TOX2: variants seen among roughly 807,000 people sequenced by gnomAD.
TOX2 encodes TOX high mobility group box family member 2, also known as granulosa cell HMG box 1.
Under a neutral mutation model 47.4 loss-of-function variants are expected in TOX2, and 15 were observed. That is an observed-to-expected ratio of 0.32 (90% CI 0.21 to 0.49). The LOEUF (loss-of-function observed/expected upper bound fraction) is 0.49. TOX2 is among the 20% of genes least tolerant of loss of function. The pLI is 0.99. For missense variants in TOX2, 622 were observed against 673.1 expected (o/e 0.92, Z 0.84); for synonymous variants, 290 against 296.6 (o/e 0.98, Z 0.23).
intron 1 of TOX2, among the ~76,000 whole-genome samples, chr20:43,967,385 A>C (rs2069875324): frequency 6.6e-6 from 1 of 152,154 alleles, no homozygotes; most frequent in African/African-American, 2.4e-5. Context: ...TTCCAGAGAA[A>C]GTGTGAATCG....
At chr20:43,947,927 A>ATGCTCCC (rs2069499510) in intron 1 of TOX2, among the ~76,000 whole-genome samples, 1 of 152,178 alleles carries the variant, frequency 6.6e-6, no homozygotes, top group East Asian at 1.9e-4. Context: ...ACCCTCACAC[A>ATGCTCCC]TGCTCCCTGC....
At chr20:44,064,377 C>T (rs1277312792) in intron 5 of TOX2, among the ~76,000 whole-genome samples, 1 of 152,128 alleles carries the variant, frequency 6.6e-6, no homozygotes, top group East Asian at 1.9e-4. Flanking sequence ...ATTAGCAAAC[C>T]GAATCCAAAC....
chr20:43,980,974 A>G (rs2070160057), intron 2 of TOX2, among the ~76,000 whole-genome samples: 2 of 152,242 alleles, frequency 1.3e-5, no homozygotes, highest in African/African-American at 2.4e-5. Flanking sequence ...AATCACCCTT[A>G]TACATGAAGA....
Position 43,970,358 on chromosome 20 carries a change from C to T in TOX2, c.100-3009C>T, listed in dbSNP as rs1049756560. Among the ~76,000 whole-genome samples, 26 of 152,294 alleles carry T rather than the reference C, an allele frequency of 1.7e-4. 1 individual carries two copies. The highest frequency in any genetic ancestry group is 3.4e-3 in the Middle Eastern group (1 of 294). On this transcript the variant is annotated intron_variant, in intron 1 of 8. Transcript: ENST00000341197. ...GTACCAGGAATATTCATTCTGTCAC[C>T]AAATATTTATTGATTGTCTACTGTG...
rs146602026 is a variant in TOX2, at chr20:43,953,890, G to A, written c.100-19477G>A. Among the ~76,000 whole-genome samples the A allele has an allele frequency of 3.7e-4, 56 of 152,270 alleles. No homozygotes were observed. The East Asian group carries it at 6.8e-3, about 18-fold the overall frequency. On this transcript the variant is annotated intron_variant, in intron 1 of 8. Coordinates refer to ENST00000341197, the MANE Select transcript of TOX2 (RefSeq NM_001098797.2). ...GTCTTTGTCCTCCCATCTTCTGGAA[G>A]TCAACTCTATGCCAGACACTCCTGA...
chr20:44,038,072 C>G (rs1052989233), intron 3 of TOX2, among the ~76,000 whole-genome samples: 3 of 152,122 alleles, frequency 2.0e-5, no homozygotes, highest in Non-Finnish European at 4.4e-5. Context: ...GTCACTCTTG[C>G]TATGCTTTAA....
intron 1 of TOX2, among the ~76,000 whole-genome samples, chr20:43,951,849 A>G (rs1339289676): frequency 6.6e-6 from 1 of 150,520 alleles, no homozygotes; most frequent in East Asian, 1.9e-4. Context: ...TTAGGACTAC[A>G]GGTACATACC....
intron 2 of TOX2, among the ~76,000 whole-genome samples, chr20:43,991,827 A>G (rs2070374218): frequency 6.6e-6 from 1 of 151,958 alleles, no homozygotes; most frequent in Non-Finnish European, 1.5e-5. Context: ...TATTTTTAGT[A>G]CAGATGGGGT....
rs541326663 is a variant in TOX2 at position 43,954,739 on chromosome 20, C to G, written c.100-18628C>G. ...CCACTCCCTGTGCTGTCTACATTCTCTGTCACATTAAATGCTCTGCCTGCC... is the reference window on the plus strand; with the variant it reads ...CCACTCCCTGTGCTGTCTACATTCTGTGTCACATTAAATGCTCTGCCTGCC... On this transcript the variant is annotated intron_variant, in intron 1 of 8. Transcript: ENST00000341197. Among the ~76,000 whole-genome samples the G allele has an allele frequency of 1.3e-3, 198 of 152,318 alleles. 1 individual carries two copies. Among genetic ancestry groups the G allele is most frequent in the African/African-American group, 4.6e-3 (193 of 41,558 alleles).
chr20:44,051,232 G>A, intron 3 of TOX2, 74 bp from the exon 4 acceptor site: 2 of 1,518,652 alleles, frequency 1.3e-6, no homozygotes, highest in Non-Finnish European at 1.8e-6. Flanking sequence ...CCTCCTCTAA[G>A]TCCGCTAGCA....
chr20:43,981,375 G>A (rs2070166204), intron 2 of TOX2, among the ~76,000 whole-genome samples: 1 of 152,176 alleles, frequency 6.6e-6, no homozygotes, highest in Non-Finnish European at 1.5e-5. Flanking sequence ...TAAAAAAGAT[G>A]TAAAACAGTA....
rs768057191 is a variant in TOX2 at position 44,054,508 on chromosome 20, G to A, written c.861G>A (p.Leu287=). 6.2e-7 allele frequency: 1 copy of A among 1,614,006 alleles called. No individual in the cohort carries two copies. The highest frequency in any genetic ancestry group is 8.5e-7 in the Non-Finnish European group (1 of 1,179,984). ...TCGTGGCCTCCATGTGGGACAGCCT[G>A]GGAGAGGAACAGAAGCAGGTGAGCC... The part of the protein sequence containing the change: ...SKIVASMWDS[L]GEEQKQAYKR... The change falls in exon 5 of 9, where the codon CTG becomes CTA. Residue 287 remains leucine (L), a synonymous_variant. Coordinates refer to ENST00000341197, the MANE Select transcript of TOX2 (RefSeq NM_001098797.2).
At position 44,049,864 on chromosome 20, in the gene TOX2, TACC is replaced by T. The variant is rs545289040; in HGVS notation, c.412-1439_412-1437del. ...TGTATAGTACTTCATGATAGGTATG[TACC>T]ACATTTTCTTTCAGTCTATCTTTGA... On this transcript the variant is annotated intron_variant, in intron 3 of 8. Coordinates refer to ENST00000341197, the MANE Select transcript of TOX2 (RefSeq NM_001098797.2). Among the ~76,000 whole-genome samples the T allele has an allele frequency of 5.8e-4, 88 of 152,370 alleles. 1 individual carries two copies. The South Asian group carries it at 6.4e-3, about 11-fold the overall frequency.
intron 3 of TOX2, among the ~76,000 whole-genome samples, chr20:44,015,383 C>G (rs2145631847): frequency 6.6e-6 from 1 of 152,312 alleles, no homozygotes; most frequent in South Asian, 2.1e-4. Flanking sequence ...CCCTGAACTC[C>G]TTTTTCTCAT....
At chr20:43,985,518 C>A (rs1021001483) in intron 2 of TOX2, among the ~76,000 whole-genome samples, 2 of 152,158 alleles carry the variant, frequency 1.3e-5, no homozygotes, top group Non-Finnish European at 2.9e-5. Flanking sequence ...TTCTGAGCTT[C>A]AATTTTGTCT....
intron 1 of TOX2, among the ~76,000 whole-genome samples, chr20:43,952,895 A>C (rs1362933760): frequency 1.3e-5 from 2 of 152,062 alleles, no homozygotes; most frequent in African/African-American, 4.8e-5. Context: ...TTTAAATGGC[A>C]AAAGGGGCTC....
At chr20:44,018,548 G>A (rs534748059) in intron 3 of TOX2, among the ~76,000 whole-genome samples, 5 of 152,262 alleles carry the variant, frequency 3.3e-5, no homozygotes, top group South Asian at 4.1e-4. Flanking sequence ...CTTTGGCTCC[G>A]CAGAATGTCT....
chr20:44,031,604 A>G (rs1410430019), intron 3 of TOX2, among the ~76,000 whole-genome samples: 1 of 152,108 alleles, frequency 6.6e-6, no homozygotes, highest in African/African-American at 2.4e-5. Context: ...TTCTGCCCTC[A>G]AAGAACCAAC....
At chr20:44,026,765 T>C (rs1387284440) in intron 3 of TOX2, among the ~76,000 whole-genome samples, 1 of 152,080 alleles carries the variant, frequency 6.6e-6, no homozygotes, top group Non-Finnish European at 1.5e-5. Flanking sequence ...TCCAAGTCCT[T>C]CTGTGCCTCA....
Sources: allele counts gnomAD v4.1 joint callset (sites outside exome capture counted in the v4.1 genomes callset), GRCh38; gene constraint gnomAD v4.1.1; transcripts MANE v1.5; gene names NCBI Gene and HGNC (gene_info 2026-07-23, HGNC 2026-07-21).